Variants in PAK5 observed in about 807,000 individuals in gnomAD.
PAK5 encodes the protein serine/threonine-protein kinase PAK 5.
Under a neutral mutation model 65.9 loss-of-function variants are expected in PAK5, and 16 were observed. That is an observed-to-expected ratio of 0.24 (90% CI 0.16 to 0.37). The LOEUF is 0.37. Among genes scored for constraint, PAK5 ranks in the 10% least tolerant of loss-of-function variants. PAK5 has a pLI of 1.00. For missense variants in PAK5, 785 were observed against 903.9 expected, an observed-to-expected ratio of 0.87 and a Z score of 1.69; for synonymous variants, 371 against 354.9, an observed-to-expected ratio of 1.05 and a Z score of -0.51.
intron 1 of PAK5, among the ~76,000 whole-genome samples, chr20:9,720,193 T>TG (rs1160810898): frequency 6.6e-6 from 1 of 152,132 alleles, no homozygotes; most frequent in Non-Finnish European, 1.5e-5. Context: ...GATTCTTAAC[T>TG]GGGGGTCGTA....
chr20:9,621,762 C>T (rs1010180104), intron 3 of PAK5, among the ~76,000 whole-genome samples: 1 of 152,206 alleles, frequency 6.6e-6, no homozygotes, highest in Non-Finnish European at 1.5e-5. Flanking sequence ...AGAGTGCTCA[C>T]AGCCTCATGC....
intron 1 of PAK5, among the ~76,000 whole-genome samples, chr20:9,759,630 A>T (rs980128): frequency 0.74 from 112,193 of 152,042 alleles, 41,645 homozygotes; most frequent in East Asian, 0.89. Context: ...CCCTGAACAA[A>T]GTTACATCTT....
At chr20:9,699,928 T>C (rs2047918775) in intron 2 of PAK5, among the ~76,000 whole-genome samples, 1 of 152,166 alleles carries the variant, frequency 6.6e-6, no homozygotes, top group Non-Finnish European at 1.5e-5. Context: ...TACTAAGCAG[T>C]TACCCCTGAG....
intron 1 of PAK5, among the ~76,000 whole-genome samples, chr20:9,787,651 G>A (rs13040329): frequency 1.6e-5 from 2 of 127,474 alleles, no homozygotes; most frequent in African/African-American, 5.5e-5. Flanking sequence ...GTGTGTGTGT[G>A]TGTGTATGTG....
intron 1 of PAK5, among the ~76,000 whole-genome samples, chr20:9,721,480 T>C (rs922376892): frequency 2.6e-5 from 4 of 151,706 alleles, no homozygotes; most frequent in African/African-American, 9.7e-5. Flanking sequence ...AAACCCCGTC[T>C]CTACTAAAAA....
chr20:9,602,456 C>T (rs2046379287), intron 3 of PAK5, among the ~76,000 whole-genome samples: 1 of 152,180 alleles, frequency 6.6e-6, no homozygotes, highest in East Asian at 1.9e-4. Context: ...GGAGCACAGC[C>T]CCTTGGTGTC....
chr20:9,805,749 GT>G (rs1475415644), intron 1 of PAK5, among the ~76,000 whole-genome samples: 2 of 152,278 alleles, frequency 1.3e-5, no homozygotes, highest in African/African-American at 4.8e-5. Flanking sequence ...AGAGTGGAAA[GT>G]TTCTGATAAT....
intron 2 of PAK5, among the ~76,000 whole-genome samples, chr20:9,694,318 G>C (rs992615821): frequency 3.2e-3 from 104 of 32,244 alleles, no homozygotes; most frequent in African/African-American, 0.023. Flanking sequence ...GTGTGTGTGT[G>C]TTTGTGTGTG....
chr20:9,680,997 T>C (rs1305120167), intron 2 of PAK5, among the ~76,000 whole-genome samples: 1 of 152,252 alleles, frequency 6.6e-6, no homozygotes, highest in Non-Finnish European at 1.5e-5. Flanking sequence ...GTTTAACAGT[T>C]ACCAAGAGTT....
At chr20:9,692,508 T>C (rs969420061) in intron 2 of PAK5, among the ~76,000 whole-genome samples, 6 of 152,170 alleles carry the variant, frequency 3.9e-5, no homozygotes, top group Non-Finnish European at 7.4e-5. Context: ...TTCTATATAA[T>C]ATAATTTAAA....
chr20:9,612,249 G>A (rs2046576039), intron 3 of PAK5, among the ~76,000 whole-genome samples: 1 of 152,138 alleles, frequency 6.6e-6, no homozygotes, highest in Non-Finnish European at 1.5e-5. Flanking sequence ...TGTTCCTCCT[G>A]GCACACTTAG....
chr20:9,688,004 G>T (rs1214842678), intron 2 of PAK5, among the ~76,000 whole-genome samples: 1 of 151,968 alleles, frequency 6.6e-6, no homozygotes, highest in Non-Finnish European at 1.5e-5. Flanking sequence ...TGTGGGGAAA[G>T]GGTTGGATGG....
chr20:9,747,097 A>C (rs1343218462), intron 1 of PAK5, among the ~76,000 whole-genome samples: 7 of 152,318 alleles, frequency 4.6e-5, no homozygotes, highest in African/African-American at 1.2e-4. Flanking sequence ...GAAATGGATA[A>C]ATTCCTCGAC....
At chr20:9,540,288 C>T (rs570121268) in intron 9 of PAK5, among the ~76,000 whole-genome samples, 6 of 152,106 alleles carry the variant, frequency 3.9e-5, no homozygotes, top group Non-Finnish European at 8.8e-5. Flanking sequence ...TTTTTACATA[C>T]ATTTACCCCT....
chr20:9,570,604 T>A (rs985925699), intron 4 of PAK5, among the ~76,000 whole-genome samples: 11 of 124,088 alleles, frequency 8.9e-5, no homozygotes, highest in Non-Finnish European at 1.4e-4. Flanking sequence ...ATTAGTCAAG[T>A]CTAGGCTAGT....
At chr20:9,606,182 A>T (rs1405074311) in intron 3 of PAK5, among the ~76,000 whole-genome samples, 1 of 152,136 alleles carries the variant, frequency 6.6e-6, no homozygotes, top group African/African-American at 2.4e-5. Flanking sequence ...CATGATAATG[A>T]GTGAGTTCTC....
chr20:9,618,904 CTCTT>C (rs2046713223), intron 3 of PAK5, among the ~76,000 whole-genome samples: 1 of 89,468 alleles, frequency 1.1e-5, no homozygotes, highest in Non-Finnish European at 2.2e-5. Flanking sequence ...TCTTTTCTCT[CTCTT>C]TCTTTCGTTT....
At chr20:9,656,771 C>G (rs1244863702) in intron 2 of PAK5, among the ~76,000 whole-genome samples, 2 of 152,064 alleles carry the variant, frequency 1.3e-5, no homozygotes, top group Non-Finnish European at 2.9e-5. Flanking sequence ...AAAATACTGC[C>G]TGGCATGGAA....
chr20:9,765,446 T>A (rs931707643), intron 1 of PAK5, among the ~76,000 whole-genome samples: 1 of 152,178 alleles, frequency 6.6e-6, no homozygotes, highest in Non-Finnish European at 1.5e-5. Context: ...AGCCTCCATT[T>A]TTTTTTTCTG....
Sources: gnomAD v4.1 joint callset for allele counts (sites outside exome capture counted in the v4.1 genomes callset) on GRCh38, gnomAD v4.1.1 for gene constraint, MANE v1.5 for transcripts, NCBI Gene and HGNC (gene_info 2026-07-23, HGNC 2026-07-21) for gene names.